Variants in KIAA0586 observed in about 807,000 individuals in gnomAD.
KIAA0586 encodes KIAA0586, also known as protein TALPID3.
Under a neutral mutation model 169.8 loss-of-function variants are expected in KIAA0586, and 144 were observed. The ratio of observed to expected loss-of-function variants is 0.85; its 90% CI spans 0.74 to 0.97. The LOEUF is 0.97. Ranked by LOEUF, KIAA0586 falls within the 50% of genes least tolerant of loss-of-function variation. The pLI is 0.00. For synonymous variants in KIAA0586, 625 were observed against 612.4 expected, an observed-to-expected ratio of 1.02 and a Z score of -0.30; for missense variants, 1,854 against 1,823.0, an observed-to-expected ratio of 1.02 and a Z score of -0.31.
At chr14:58,529,762 CAA>C (rs1335215945) in intron 29 of KIAA0586, among the ~76,000 whole-genome samples, 1 of 152,162 alleles carries the variant, frequency 6.6e-6, no homozygotes, top group African/African-American at 2.4e-5. Context: ...ACTGTATGGG[CAA>C]AAGCTGGAAG....
intron 6 of KIAA0586, among the ~76,000 whole-genome samples, chr14:58,445,787 T>TTA (rs1162602022): frequency 6.6e-6 from 1 of 150,934 alleles, no homozygotes; most frequent in African/African-American, 2.4e-5. Flanking sequence ...TAAACTCTTT[T>TTA]TTTTTTTTTT....
chr14:58,474,129 T>G (rs1434016832), intron 18 of KIAA0586, among the ~76,000 whole-genome samples: 1 of 151,976 alleles, frequency 6.6e-6, no homozygotes, highest in East Asian at 1.9e-4. Flanking sequence ...ACTAACTTAT[T>G]ACCATGGGGA....
intron 19 of KIAA0586, 26 bp from the exon 20 acceptor site, chr14:58,477,096 CT>C: frequency 7.8e-7 from 1 of 1,279,304 alleles, no homozygotes; most frequent in Non-Finnish European, 1.1e-6. Flanking sequence ...GGAATCTTAA[CT>C]TTTATCTGCC....
intron 28 of KIAA0586, among the ~76,000 whole-genome samples, chr14:58,509,563 T>C (rs765515783): frequency 1.4e-3 from 214 of 152,166 alleles, no homozygotes; most frequent in Non-Finnish European, 2.3e-3. Flanking sequence ...TGAACTAATT[T>C]ATGAATAAGT....
chr14:58,458,434 A>T, intron 11 of KIAA0586, 39 bp from the exon 12 acceptor site: 2 of 1,107,146 alleles, frequency 1.8e-6, no homozygotes, highest in Non-Finnish European at 2.7e-6. Context: ...TCAGGACAGT[A>T]AGTGCTAATT....
At position 58,442,680 on chromosome 14, in the gene KIAA0586, C is replaced by T. The variant is rs369276262; in HGVS notation, c.411-26C>T. 3.0e-5 allele frequency: 44 copies of T among 1,471,148 alleles called. No individual in the cohort carries two copies. In the African/African-American group the frequency reaches 5.8e-4, roughly 19 times the overall value. 91.1% of individuals were successfully genotyped at this position (1,471,148 alleles called of 1,614,324 possible). ...ATGTTTCAATGTAGTTTACTGAATA[C>T]ATTTTTATTGCTTTTTTATTTATAG... On this transcript the variant is annotated intron_variant, in intron 4 of 30. Transcript: ENST00000652326.
chr14:58,479,382 TACTG>T (rs1226965272), intron 20 of KIAA0586, among the ~76,000 whole-genome samples: 1 of 152,244 alleles, frequency 6.6e-6, no homozygotes. Flanking sequence ...GTCTTCATAT[TACTG>T]AGTATGAAGT....
At chr14:58,547,701 T>G (rs2047065837) in intron 30 of KIAA0586, 80 bp from the exon 31 acceptor site, 272 of 581,452 alleles carry the variant, frequency 4.7e-4, no homozygotes, top group Middle Eastern at 1.9e-3. Flanking sequence ...CACCCCAACC[T>G]CATATTATTT....
intron 27 of KIAA0586, among the ~76,000 whole-genome samples, chr14:58,503,174 T>C (rs1416561554): frequency 6.6e-6 from 1 of 152,198 alleles, no homozygotes; most frequent in Non-Finnish European, 1.5e-5. Context: ...AAAAAACCTG[T>C]ATTGAATACC....
At chr14:58,525,743 C>A (rs1254999753) in intron 29 of KIAA0586, among the ~76,000 whole-genome samples, 1 of 152,198 alleles carries the variant, frequency 6.6e-6, no homozygotes, top group Non-Finnish European at 1.5e-5. Context: ...GGGCTGAAGC[C>A]AGGGAGCCAA....
intron 29 of KIAA0586, among the ~76,000 whole-genome samples, chr14:58,515,189 G>GA (rs1257247353): frequency 1.3e-5 from 2 of 151,580 alleles, no homozygotes; most frequent in African/African-American, 4.8e-5. Context: ...AAATTTGCTT[G>GA]AAAAAAATCA....
Position 58,550,750 on chromosome 14 carries a change from C to T in KIAA0586, c.*2818C>T, listed in dbSNP as rs564143708. On this transcript the variant is annotated 3_prime_UTR_variant, in exon 31 of 31. Transcript: ENST00000652326. ...TCAAGAGGGTGAGGTGAGAGGATCG[C>T]TTGAGCCCAGGATGTCAAGACTGCA... 6.6e-6 allele frequency: 1 copy of T among 151,388 alleles called. No individual in the cohort carries two copies. The highest frequency in any genetic ancestry group is 6.6e-5 in the Admixed American group (1 of 15,178). The allele number at this position is 151,388 out of a possible 1,614,324, so 9.4% of individuals were successfully genotyped here. A position where few individuals can be genotyped will look rare whatever the true frequency, so the allele number is the denominator to read the frequency against.
Position 58,453,459 on chromosome 14 carries a change from T to C in KIAA0586, c.1239T>C (p.Pro413=). 6.6e-7 allele frequency: 1 copy of C among 1,511,854 alleles called. No individual in the cohort carries two copies. Among genetic ancestry groups the C allele is most frequent in the Non-Finnish European group, 8.8e-7 (1 of 1,133,708 alleles). The allele number at this position is 1,511,854 out of a possible 1,614,324, so 93.7% of individuals were successfully genotyped here. ...CTAGGTCAAAAATAGGATGGACTCCTGAGAAAACAAACAGGTAAAAACAAG... is the reference window on the plus strand; with the variant it reads ...CTAGGTCAAAAATAGGATGGACTCCCGAGAAAACAAACAGGTAAAAACAAG... ...SLTRSKIGWT[P]EKTNRFPSCE... Residue 413 remains proline (P), a synonymous_variant, in exon 9 of 31, where the codon CCT becomes CCC. Coordinates refer to ENST00000652326, the MANE Select transcript of KIAA0586 (RefSeq NM_001329943.3).
At chr14:58,456,846 T>G (rs2039900881) in intron 10 of KIAA0586, 36 bp downstream of exon 10, 1 of 1,081,592 alleles carries the variant, frequency 9.2e-7, no homozygotes, top group Admixed American at 2.2e-5. Flanking sequence ...GATGATTAGT[T>G]AAGATAAAAA....
chr14:58,506,535 A>G (rs879502276), intron 27 of KIAA0586, among the ~76,000 whole-genome samples: 1 of 151,956 alleles, frequency 6.6e-6, no homozygotes, highest in Non-Finnish European at 1.5e-5. Flanking sequence ...AAAAATACAA[A>G]AATTAGACAG....
In KIAA0586 at chr14:58,429,379, T is replaced by C; in HGVS notation, c.216T>C (p.Thr72=). 6.3e-7 allele frequency: 1 copy of C among 1,594,970 alleles called. No homozygotes were observed. Among genetic ancestry groups the C allele is most frequent in the Non-Finnish European group, 8.6e-7 (1 of 1,162,802 alleles). The change falls in exon 2 of 31, where the codon ACT becomes ACC. Residue 72 remains threonine (T), a synonymous_variant. Coordinates refer to ENST00000652326, the MANE Select transcript of KIAA0586 (RefSeq NM_001329943.3). The part of the protein sequence containing the change: ...NGTSRGSSDL[T]SARNCYQPLL... The stretch of plus-strand genomic sequence containing the variant: ...TTTTGTTAGGTTCATCAGACTTAAC[T>C]TCTGCTAGAAATTGTTACCAGCCTC...
At chr14:58,518,897 C>T (rs529127396) in intron 29 of KIAA0586, among the ~76,000 whole-genome samples, 3 of 152,224 alleles carry the variant, frequency 2.0e-5, no homozygotes, top group East Asian at 1.9e-4. Context: ...TTTGAGAGGC[C>T]GAGGCAGATG....
chr14:58,545,670 G>T (rs74058010), intron 30 of KIAA0586, among the ~76,000 whole-genome samples: 1,691 of 152,162 alleles, frequency 0.011, 34 homozygotes, highest in African/African-American at 0.039. Flanking sequence ...TCATGGCTTT[G>T]TAAAATATAA....
chr14:58,525,499 C>T (rs1336486098), intron 29 of KIAA0586, among the ~76,000 whole-genome samples: 1 of 152,110 alleles, frequency 6.6e-6, no homozygotes, highest in Non-Finnish European at 1.5e-5. Context: ...CCATGAGGGA[C>T]TGTGCCGTGA....
Sources: gnomAD v4.1 joint callset for allele counts (sites outside exome capture counted in the v4.1 genomes callset) on GRCh38, gnomAD v4.1.1 for gene constraint, MANE v1.5 for transcripts, NCBI Gene and HGNC (gene_info 2026-07-23, HGNC 2026-07-21) for gene names.